Variants in ATG4A observed in about 807,000 individuals in gnomAD.
ATG4A encodes autophagy related 4A cysteine peptidase.
In ATG4A, 22 loss-of-function variants were observed where a neutral mutation model predicts 38.4. The ratio of observed to expected loss-of-function variants is 0.57; its 90% CI spans 0.41 to 0.82. ATG4A has a LOEUF of 0.82. ATG4A is among the 40% of genes least tolerant of loss of function. ATG4A has a pLI of 0.00. For missense variants in ATG4A, 220 were observed against 290.0 expected, an observed-to-expected ratio of 0.76 and a Z score of 1.75; for synonymous variants, 86 against 100.7, an observed-to-expected ratio of 0.85 and a Z score of 0.88.
intron 4 of ATG4A, 93 bp from the exon 5 acceptor site, chrX:108,133,964 T>C (rs1267584608): frequency 4.3e-6 from 3 of 691,522 alleles, no homozygotes; most frequent in African/African-American, 4.4e-5. Flanking sequence ...GTGGTGCCTT[T>C]GTTTTTCTTC....
At position 108,136,017 on chromosome X, in the gene ATG4A, C is replaced by T. The variant is rs145477443; in HGVS notation, c.468-1074C>T. On this transcript the variant is annotated intron_variant, in intron 6 of 12. Transcript: ENST00000372232. ...CAGGCTGGTCTCGAACTTCTGACCT[C>T]GTGATCCACCCGTCTCAACCTCCCA... is the stretch of plus-strand genomic sequence containing the variant. Among the ~76,000 whole-genome samples the T allele has an allele frequency of 3.6e-3, 401 of 110,732 alleles. 7 individuals carry two copies. In the East Asian group the frequency reaches 0.083, roughly 23 times the overall value.
At chrX:108,112,913 T>A (rs927976591) in intron 1 of ATG4A, among the ~76,000 whole-genome samples, 27 of 110,759 alleles carry the variant, frequency 2.4e-4, no homozygotes, top group African/African-American at 6.3e-4. Context: ...GATTTTTTTT[T>A]ATCTCTTTTC....
At chrX:108,126,224 T>C in intron 2 of ATG4A, 37 bp downstream of exon 2, 2 of 1,014,403 alleles carry the variant, frequency 2.0e-6, no homozygotes, top group Non-Finnish European at 2.8e-6. Context: ...AGAACCCAGA[T>C]GAGGTAGGCA....
At position 108,141,353 on chromosome X, in the gene ATG4A, T is replaced by TGTG. The variant is rs2033290712; in HGVS notation, c.814+3162_814+3163insGTG. ...AGAATGGGTCATCCTATCTACTTGA[T>TGTG]TATTAATCAAGAATACACACAATAT... On this transcript the variant is annotated intron_variant, in intron 9 of 12. Transcript: ENST00000372232. 2.8e-5 allele frequency among the ~76,000 whole-genome samples: 3 copies of TGTG among 108,975 alleles called. No individual in the cohort carries two copies. The Admixed American group carries it at 3.0e-4, about 11-fold the overall frequency. 94.6% of individuals were successfully genotyped at this position (108,975 alleles called of 115,157 possible).
intron 9 of ATG4A, among the ~76,000 whole-genome samples, chrX:108,147,638 T>C (rs2033455831): frequency 9.0e-6 from 1 of 111,523 alleles, no homozygotes; most frequent in Non-Finnish European, 1.9e-5. Flanking sequence ...CCTGAGTTCA[T>C]CATTTTCTTT....
At position 108,131,311 on chromosome X, in the gene ATG4A, G is replaced by C; in HGVS notation, c.245G>C (p.Gly82Ala). 1 of 1,211,999 alleles carries C rather than the reference G, an allele frequency of 8.3e-7. No homozygotes were observed. Among genetic ancestry groups the C allele is most frequent in the African/African-American group, 1.7e-5 (1 of 57,908 alleles). ...GGTTGGGGATGTATGCTACGCTGTG[G>C]ACAGATGATGCTGGCTCAAGCCCTT... is the stretch of plus-strand genomic sequence containing the variant. ...DAGWGCMLRC[G>A]QMMLAQALIC... Residue 82 changes from glycine (G) to alanine (A), a missense_variant, in exon 4 of 13, where the codon GGA (glycine) becomes GCA (alanine). Physicochemically the swap from Gly to Ala is moderately conservative, Grantham distance 60. Around this residue, in one of 3 missense-constraint regions of ATG4A, gnomAD observed 61 missense variants for 83.3 expected, o/e 0.73. Coordinates refer to ENST00000372232, the MANE Select transcript of ATG4A (RefSeq NM_052936.5).
intron 1 of ATG4A, among the ~76,000 whole-genome samples, chrX:108,108,159 CTTTTT>C (rs35622417): frequency 1.5e-5 from 1 of 65,761 alleles, no homozygotes; most frequent in Non-Finnish European, 2.7e-5. Flanking sequence ...TTTTGAGGCA[CTTTTT>C]TTTTTTTTTT....
intron 1 of ATG4A, among the ~76,000 whole-genome samples, chrX:108,093,210 T>G (rs1206618935): frequency 1.8e-5 from 2 of 111,833 alleles, no homozygotes; most frequent in African/African-American, 6.5e-5. Context: ...CTATTTATAG[T>G]TAATCAATCC....
chrX:108,134,412 G>A lies in ATG4A; in HGVS notation c.467+1G>A. On this transcript the variant is annotated splice_donor_variant, in intron 6 of 12. Coordinates refer to ENST00000372232, the MANE Select transcript of ATG4A (RefSeq NM_052936.5). LOFTEE classifies it high-confidence loss of function. ...CAAATACAGTTGCACAGGTGTTAAA[G>A]TAAGTAAAAGAGTCTGGCATCTGCC... The A allele has an allele frequency of 2.5e-6, 3 of 1,205,312 alleles. No individual in the cohort carries two copies. The highest frequency in any genetic ancestry group is 3.4e-6 in the Non-Finnish European group (3 of 891,180).
At chrX:108,089,139 G>A (rs2031534313), upstream of ATG4A, among the ~76,000 whole-genome samples, 1 of 112,497 alleles carries the variant, frequency 8.9e-6, no homozygotes, top group Non-Finnish European at 1.9e-5. Flanking sequence ...ATCTTTGGTT[G>A]TTTTACTATT....
chrX:108,150,445 G>T, intron 10 of ATG4A, 148 bp downstream of exon 10: 2 of 767,549 alleles, frequency 2.6e-6, no homozygotes, highest in Non-Finnish European at 3.8e-6. Context: ...GGAAGGAATG[G>T]ACCCTGGAGC....
chrX:108,103,625 A>T (rs1189339011), intron 1 of ATG4A, among the ~76,000 whole-genome samples: 1 of 110,835 alleles, frequency 9.0e-6, no homozygotes, highest in Non-Finnish European at 1.9e-5. Flanking sequence ...GATTCTCTTC[A>T]CACATTCTTT....
intron 1 of ATG4A, among the ~76,000 whole-genome samples, chrX:108,098,153 T>C (rs2031890252): frequency 9.0e-6 from 1 of 111,689 alleles, no homozygotes; most frequent in African/African-American, 3.3e-5. Context: ...GCTGTGGCTC[T>C]AATTTTTTTT....
intron 1 of ATG4A, among the ~76,000 whole-genome samples, chrX:108,102,866 G>A (rs1210091305): frequency 9.2e-6 from 1 of 108,676 alleles, no homozygotes; most frequent in Non-Finnish European, 1.9e-5. Flanking sequence ...GTTACATGTG[G>A]AGGATGTGCA....
chrX:108,149,455 A>G (rs772638179), intron 9 of ATG4A, among the ~76,000 whole-genome samples: 1 of 112,873 alleles, frequency 8.9e-6, no homozygotes, highest in Non-Finnish European at 1.9e-5. Context: ...AATGAAGCAT[A>G]GCTTATATCT....
chrX:108,137,221 C>T, intron 7 of ATG4A, 51 bp downstream of exon 7: 4 of 1,045,696 alleles, frequency 3.8e-6, no homozygotes, highest in Non-Finnish European at 5.3e-6. Context: ...TGAGTTCCTC[C>T]CTCACCATTC....
intron 7 of ATG4A, 34 bp from the exon 8 acceptor site, chrX:108,137,766 CTCCT>C: frequency 6.3e-6 from 7 of 1,113,199 alleles, no homozygotes; most frequent in Non-Finnish European, 8.4e-6. Context: ...GGGCTGAAGA[CTCCT>C]TACTTATCCA....
intron 6 of ATG4A, among the ~76,000 whole-genome samples, chrX:108,134,915 C>T (rs931946634): frequency 8.9e-6 from 1 of 112,146 alleles, no homozygotes; most frequent in African/African-American, 3.2e-5. Flanking sequence ...AAGGAACTCA[C>T]CACCTGTTGG....
At chrX:108,152,486 C>T (rs773974997) in intron 11 of ATG4A, among the ~76,000 whole-genome samples, 67 of 111,853 alleles carry the variant, frequency 6.0e-4, no homozygotes, top group African/African-American at 2.1e-3. Flanking sequence ...CCACCTCGGC[C>T]TCCCAAAGTG....
Sources: allele counts gnomAD v4.1 joint callset (sites outside exome capture counted in the v4.1 genomes callset), GRCh38; gene constraint gnomAD v4.1.1; regional missense constraint gnomAD v4.1.1; transcripts MANE v1.5; gene names NCBI Gene and HGNC (gene_info 2026-07-23, HGNC 2026-07-21).